KMT5B: variants seen among roughly 807,000 people sequenced by gnomAD.
The protein encoded by KMT5B is histone-lysine N-methyltransferase KMT5B.
A neutral mutation model predicts 83.2 loss-of-function variants in KMT5B; 10 were observed. The observed-to-expected ratio is 0.12, with a 90% CI of 0.07 to 0.20. KMT5B has a LOEUF of 0.20. Among genes scored for constraint, KMT5B ranks in the 10% least tolerant of loss-of-function variants. KMT5B has a pLI of 1.00. For missense variants in KMT5B, 753 were observed against 1,067.2 expected (o/e 0.71, Z 4.10); for synonymous variants, 349 against 388.8 (o/e 0.90, Z 1.20).
At chr11:68,203,222 C>T (rs1001774395) in intron 1 of KMT5B, among the ~76,000 whole-genome samples, 2 of 152,184 alleles carry the variant, frequency 1.3e-5, no homozygotes, top group Non-Finnish European at 2.9e-5. Context: ...GATCTGCCTG[C>T]CTCGGCCTCC....
chr11:68,174,061 A>C, intron 5 of KMT5B, 148 bp from the exon 6 acceptor site: 1 of 683,826 alleles, frequency 1.5e-6, no homozygotes, highest in East Asian at 2.8e-5. Flanking sequence ...TCTACGAAAA[A>C]CATTAGCCAA....
At position 68,166,617 on chromosome 11, in the gene KMT5B, T is replaced by C. The variant is rs893248229; in HGVS notation, c.1174+365A>G. 3.9e-6 allele frequency: 4 copies of C among 1,038,858 alleles called. No homozygotes were observed. In the South Asian group the frequency reaches 1.1e-4, roughly 30 times the overall value. 64.4% of individuals were successfully genotyped at this position (1,038,858 alleles called of 1,614,324 possible). On this transcript the variant is annotated intron_variant, in intron 10 of 10. Coordinates refer to ENST00000304363, the MANE Select transcript of KMT5B (RefSeq NM_017635.5). ...CAAACTGGCTAGGCACTGGAATGTA[T>C]AGAGTCTAATTTAATTCTACTCAGT...
chr11:68,211,811 A>T (rs1448524497), intron 1 of KMT5B, among the ~76,000 whole-genome samples: 1 of 152,170 alleles, frequency 6.6e-6, no homozygotes, highest in African/African-American at 2.4e-5. Flanking sequence ...AGCTTGGGAG[A>T]GGGACCAGAA....
chr11:68,180,173 A>G lies in KMT5B; in HGVS notation c.336T>C (p.His112=), dbSNP rs1422356257. The change falls in exon 4 of 11, where the codon CAT becomes CAC. Residue 112 remains histidine, a synonymous_variant. Transcript: ENST00000304363. The stretch of plus-strand genomic sequence containing the variant: ...GAGAAAAACTGTCAGATTTTGAAAA[A>G]TGCCTTGAGCTCCTCGAAGGAAAGG... ...TSAFPSRSSR[H]FSKSDSFSHN... is the part of the protein sequence containing the mutation. 1 of 1,574,290 alleles carries G rather than the reference A, an allele frequency of 6.4e-7. No homozygotes were observed. Among genetic ancestry groups the G allele is most frequent in the Non-Finnish European group, 8.7e-7 (1 of 1,147,904 alleles).
intron 2 of KMT5B, 158 bp downstream of exon 2, chr11:68,189,759 A>T: frequency 1.7e-6 from 1 of 596,336 alleles, no homozygotes. Context: ...ATGAGAATAA[A>T]AATTGACACA....
chr11:68,202,801 C>A lies in KMT5B; in HGVS notation c.-77+10337G>T, dbSNP rs1418315520. ...TGACCTCGTGATTTGCCCACCTCGG[C>A]CTCCCAAAGTACTGGGATTACAGGC... On this transcript the variant is annotated intron_variant, in intron 1 of 10. Transcript: ENST00000304363. Among the ~76,000 whole-genome samples, 5 of 151,994 alleles carry A rather than the reference C, an allele frequency of 3.3e-5. No homozygotes were observed. In the East Asian group the frequency reaches 9.6e-4, roughly 29 times the overall value.
chr11:68,176,934 A>C (rs1432376225), intron 4 of KMT5B, among the ~76,000 whole-genome samples: 1 of 152,244 alleles, frequency 6.6e-6, no homozygotes, highest in East Asian at 1.9e-4. Flanking sequence ...ATAAACCTGA[A>C]TATGCTAAAA....
At chr11:68,200,667 G>A (rs530230249) in intron 1 of KMT5B, among the ~76,000 whole-genome samples, 113 of 152,332 alleles carry the variant, frequency 7.4e-4, no homozygotes, top group African/African-American at 2.6e-3. Flanking sequence ...CCTTCAGAGC[G>A]CTTATAGGAT....
At chr11:68,208,219 C>T (rs1372217518) in intron 1 of KMT5B, among the ~76,000 whole-genome samples, 4 of 150,384 alleles carry the variant, frequency 2.7e-5, no homozygotes, top group Admixed American at 6.6e-5. Flanking sequence ...GAGGCCGAGG[C>T]GGGAGGGTCA....
intron 1 of KMT5B, chr11:68,212,693 T>G (rs1162081787): frequency 6.7e-6 from 1 of 149,992 alleles, no homozygotes; most frequent in Non-Finnish European, 1.5e-5. Flanking sequence ...GGGAGGAGGG[T>G]GGGCTGCAGG....
intron 1 of KMT5B, among the ~76,000 whole-genome samples, chr11:68,198,919 T>C (rs984123441): frequency 6.6e-6 from 1 of 152,288 alleles, no homozygotes; most frequent in Non-Finnish European, 1.5e-5. Context: ...CTAGTAAAGA[T>C]GGGGTTTCAC....
intron 2 of KMT5B, among the ~76,000 whole-genome samples, chr11:68,186,987 A>C (rs1357924223): frequency 6.6e-6 from 1 of 152,128 alleles, no homozygotes; most frequent in Non-Finnish European, 1.5e-5. Flanking sequence ...CAATTCACAT[A>C]CGACACAACT....
At chr11:68,162,701 CAT>C (rs757866273) in intron 10 of KMT5B, among the ~76,000 whole-genome samples, 2 of 152,174 alleles carry the variant, frequency 1.3e-5, no homozygotes, top group Non-Finnish European at 2.9e-5. Context: ...TCTAAACTAA[CAT>C]AAACGCTCCA....
Position 68,171,120 on chromosome 11 carries a change from A to C in KMT5B, c.872T>G (p.Val291Gly), listed in dbSNP as rs1420102971. ...FVSTGRDTAC[V>G]KALRDIEPGE... is the part of the protein sequence containing the mutation. ...AGGTTCAATGTCTCTTAGAGCCTTCACACATGCTGTATCTCGACCAGTTGA... is the reference window on the plus strand; with the variant it reads ...AGGTTCAATGTCTCTTAGAGCCTTCCCACATGCTGTATCTCGACCAGTTGA... Residue 291 changes from valine (V) to glycine (G), a missense_variant, in exon 9 of 11, where the codon GTG (valine) becomes GGG (glycine). Around this residue, in one of 9 missense-constraint regions of KMT5B, gnomAD observed 34 missense variants for 172.5 expected, o/e 0.20. Transcript: ENST00000304363. This position sits in a 1 kb window ranked among gnomAD's most constrained non-coding sequence, Gnocchi z 5.1. The C allele has an allele frequency of 6.2e-7, 1 of 1,610,792 alleles. No homozygotes were observed.
intron 3 of KMT5B, among the ~76,000 whole-genome samples, chr11:68,185,456 C>T (rs1219671022): frequency 6.6e-6 from 1 of 152,230 alleles, no homozygotes; most frequent in Non-Finnish European, 1.5e-5. Context: ...GATCCACCCA[C>T]CTTGGCCTCC....
chr11:68,200,292 A>T (rs1010788917), intron 1 of KMT5B, among the ~76,000 whole-genome samples: 1 of 152,218 alleles, frequency 6.6e-6, no homozygotes, highest in African/African-American at 2.4e-5. Context: ...AAGGAGCAAC[A>T]AGTGAGAAGC....
In KMT5B at chr11:68,158,033, G is replaced by A. The variant is rs1309522331; in HGVS notation, c.2313C>T (p.Gly771=). The A allele has an allele frequency of 6.2e-7, 1 of 1,614,136 alleles. No homozygotes were observed. Among genetic ancestry groups the A allele is most frequent in the Non-Finnish European group, 8.5e-7 (1 of 1,180,038 alleles). ...KLNNGFNSGS[G]SSSTKLKIQL... The stretch of plus-strand genomic sequence containing the variant: ...GGATTTTTAATTTTGTAGAACTACT[G>A]CCTGATCCTGAGTTAAATCCATTAT... The change falls in exon 11 of 11, where the codon GGC becomes GGT. Residue 771 remains glycine (G), a synonymous_variant. Transcript: ENST00000304363.
At chr11:68,201,605 A>G (rs1859449318) in intron 1 of KMT5B, among the ~76,000 whole-genome samples, 1 of 152,222 alleles carries the variant, frequency 6.6e-6, no homozygotes, top group African/African-American at 2.4e-5. Flanking sequence ...CAAAAAAGTT[A>G]AAACACTGAT....
intron 1 of KMT5B, among the ~76,000 whole-genome samples, chr11:68,198,931 G>A (rs1396011496): frequency 5.3e-5 from 8 of 152,104 alleles, no homozygotes; most frequent in Admixed American, 2.6e-4. Context: ...GGGTTTCACC[G>A]TGTTAGCCAG....
Sources: allele counts gnomAD v4.1 joint callset (sites outside exome capture counted in the v4.1 genomes callset), GRCh38; gene constraint gnomAD v4.1.1; regional missense constraint gnomAD v4.1.1; non-coding constraint Gnocchi (gnomAD v3.1); transcripts MANE v1.5; gene names NCBI Gene and HGNC (gene_info 2026-07-23, HGNC 2026-07-21).